ZNF385B: variants seen among roughly 807,000 people sequenced by gnomAD.
The protein encoded by ZNF385B is zinc finger protein 533.
Under a neutral mutation model 39.2 loss-of-function variants are expected in ZNF385B, and 23 were observed. That is an observed-to-expected ratio of 0.59 (90% CI 0.42 to 0.83). ZNF385B has a LOEUF of 0.83. Ranked by LOEUF, ZNF385B falls within the 40% of genes least tolerant of loss-of-function variation. ZNF385B has a pLI of 0.00. For synonymous variants in ZNF385B, 205 were observed against 222.6 expected, an observed-to-expected ratio of 0.92 and a Z score of 0.70; for missense variants, 552 against 598.9, an observed-to-expected ratio of 0.92 and a Z score of 0.82.
intron 1 of ZNF385B, among the ~76,000 whole-genome samples, chr2:179,802,159 C>T (rs1360752146): frequency 6.6e-6 from 1 of 152,252 alleles, no homozygotes; most frequent in Admixed American, 6.5e-5. Flanking sequence ...GGCTGCCATG[C>T]TAACCAGATC....
chr2:179,501,675 C>A (rs111855729), intron 5 of ZNF385B, among the ~76,000 whole-genome samples: 3 of 151,996 alleles, frequency 2.0e-5, no homozygotes, highest in Non-Finnish European at 4.4e-5. Flanking sequence ...TTTGACAGCA[C>A]GATAGGGTGA....
At chr2:179,539,499 T>C (rs1559435672) in intron 4 of ZNF385B, among the ~76,000 whole-genome samples, 1 of 152,208 alleles carries the variant, frequency 6.6e-6, no homozygotes, top group Non-Finnish European at 1.5e-5. Context: ...ATATTATCCA[T>C]CTTGGTAAGT....
At chr2:179,708,085 T>C (rs1421351701) in intron 3 of ZNF385B, among the ~76,000 whole-genome samples, 1 of 152,196 alleles carries the variant, frequency 6.6e-6, no homozygotes, top group African/African-American at 2.4e-5. Context: ...AATAGGCAGA[T>C]TGTGCATGCC....
rs113228880 is a variant in ZNF385B, at chr2:179,741,892, G to A, written c.298+27611C>T. Among the ~76,000 whole-genome samples the A allele has an allele frequency of 7.5e-3, 1,142 of 151,934 alleles. 10 individuals carry two copies. Among genetic ancestry groups the A allele is most frequent in the African/African-American group, 0.025 (1,051 of 41,436 alleles). On this transcript the variant is annotated intron_variant, in intron 3 of 9. Coordinates refer to ENST00000410066, the MANE Select transcript of ZNF385B (RefSeq NM_152520.6). ...AGAACTAAGTCCTAAAATCAAAAGG[G>A]TAACAAATATTTAAATAAAGGCCAG... is the stretch of plus-strand genomic sequence containing the variant.
chr2:179,545,495 AAC>A (rs1287928964), intron 3 of ZNF385B, among the ~76,000 whole-genome samples: 2 of 152,184 alleles, frequency 1.3e-5, no homozygotes, highest in Non-Finnish European at 2.9e-5. Flanking sequence ...TTAAAAAAAA[AAC>A]AAACTTTCTG....
At chr2:179,673,920 T>C (rs986369985) in intron 3 of ZNF385B, among the ~76,000 whole-genome samples, 6 of 152,202 alleles carry the variant, frequency 3.9e-5, no homozygotes, top group African/African-American at 1.4e-4. Context: ...TTATGCAACA[T>C]AAAATCATGC....
intron 5 of ZNF385B, among the ~76,000 whole-genome samples, chr2:179,497,674 CA>C (rs1198748094): frequency 4.6e-5 from 7 of 151,804 alleles, no homozygotes; most frequent in African/African-American, 1.7e-4. Flanking sequence ...GACCATAAAA[CA>C]ACCAGAAAAC....
intron 5 of ZNF385B, among the ~76,000 whole-genome samples, chr2:179,512,582 T>C (rs2057763615): frequency 6.6e-6 from 1 of 152,152 alleles, no homozygotes; most frequent in African/African-American, 2.4e-5. Flanking sequence ...AGGATTCAGA[T>C]TTAGGCTTAT....
intron 1 of ZNF385B, among the ~76,000 whole-genome samples, chr2:179,832,707 A>G (rs1708047604): frequency 6.6e-6 from 1 of 152,212 alleles, no homozygotes; most frequent in Non-Finnish European, 1.5e-5. Context: ...ATGGCCAAGT[A>G]TACATTTTAT....
intron 1 of ZNF385B, among the ~76,000 whole-genome samples, chr2:179,794,099 G>A (rs898485023): frequency 1.3e-5 from 2 of 152,122 alleles, no homozygotes; most frequent in Admixed American, 6.5e-5. Context: ...TCCAATGACT[G>A]CCTTCTATAT....
At chr2:179,642,966 A>T (rs1692399175) in intron 3 of ZNF385B, among the ~76,000 whole-genome samples, 1 of 152,112 alleles carries the variant, frequency 6.6e-6, no homozygotes, top group Non-Finnish European at 1.5e-5. Flanking sequence ...CCCTTGAATG[A>T]CTGTTTCAGT....
intron 3 of ZNF385B, among the ~76,000 whole-genome samples, chr2:179,743,982 C>G (rs1702228291): frequency 6.6e-6 from 1 of 152,024 alleles, no homozygotes; most frequent in Non-Finnish European, 1.5e-5. Flanking sequence ...TGTATTAAAG[C>G]CTTTCCCTCT....
intron 4 of ZNF385B, among the ~76,000 whole-genome samples, chr2:179,519,419 A>G (rs1487981668): frequency 6.6e-6 from 1 of 152,254 alleles, no homozygotes; most frequent in Non-Finnish European, 1.5e-5. Context: ...AGATTGGCTG[A>G]CATGCAACCC....
intron 3 of ZNF385B, chr2:179,562,294 CT>C (rs1340881611): frequency 2.5e-6 from 2 of 794,858 alleles, no homozygotes; most frequent in Non-Finnish European, 3.0e-6. Flanking sequence ...AATTCTGATA[CT>C]TTTCTCTTTT....
intron 3 of ZNF385B, among the ~76,000 whole-genome samples, chr2:179,676,876 G>T (rs1307613704): frequency 6.6e-6 from 1 of 152,136 alleles, no homozygotes; most frequent in Non-Finnish European, 1.5e-5. Context: ...TGGTGCTGAG[G>T]TTGAAAAACT....
At chr2:179,607,908 C>CTTT (rs71029822) in intron 3 of ZNF385B, among the ~76,000 whole-genome samples, 79 of 97,464 alleles carry the variant, frequency 8.1e-4, no homozygotes, top group East Asian at 1.1e-3. Context: ...CTCAGAAACT[C>CTTT]TTTTTTTTTT....
rs751470900 is a variant in ZNF385B at position 179,483,328 on chromosome 2, T to A, written c.659A>T (p.Lys220Met). Residue 220 changes from lysine (K) to methionine (M), a missense_variant, in exon 6 of 10, where the codon AAG becomes ATG. Physicochemically the swap from Lys to Met is moderately conservative, Grantham distance 95 (BLOSUM62 -1). Coordinates refer to ENST00000410066, the MANE Select transcript of ZNF385B (RefSeq NM_152520.6). ...AGTGATGGAGCAGCTGGGATTAGCCTTTGCGCTGTCCTTGGAAGGAACCAT... is the reference window on the plus strand; with the variant it reads ...AGTGATGGAGCAGCTGGGATTAGCCATTGCGCTGTCCTTGGAAGGAACCAT... ...PKMVPSKDSA[K>M]ANPSCSITPI... The A allele has an allele frequency of 6.2e-7, 1 of 1,613,938 alleles. No homozygotes were observed. Among genetic ancestry groups the A allele is most frequent in the Non-Finnish European group, 8.5e-7 (1 of 1,179,958 alleles).
At chr2:179,498,010 T>C (rs2056404572) in intron 5 of ZNF385B, among the ~76,000 whole-genome samples, 1 of 151,990 alleles carries the variant, frequency 6.6e-6, no homozygotes, top group Admixed American at 6.6e-5. Context: ...CAGCAAAATA[T>C]AAAAATTTTA....
intron 3 of ZNF385B, among the ~76,000 whole-genome samples, chr2:179,565,453 G>A (rs530237041): frequency 8.3e-4 from 126 of 152,312 alleles, no homozygotes; most frequent in South Asian, 3.7e-3. Flanking sequence ...TTCAAATGCC[G>A]CAGTTCAGCA....
Sources: gnomAD v4.1 joint callset for allele counts (sites outside exome capture counted in the v4.1 genomes callset) on GRCh38, gnomAD v4.1.1 for gene constraint, MANE v1.5 for transcripts, NCBI Gene and HGNC (gene_info 2026-07-23, HGNC 2026-07-21) for gene names.